Variants in FHIT observed in about 807,000 individuals in gnomAD.
FHIT encodes bis(5'-adenosyl)-triphosphatase.
FHIT carries 19 observed loss-of-function variants against 17.9 expected under a neutral mutation model. The ratio of observed to expected loss-of-function variants is 1.06; its 90% CI spans 0.74 to 1.56. FHIT has a LOEUF of 1.56. Ranked by LOEUF, FHIT falls within the 40% of genes most tolerant of loss-of-function variation. The pLI, the probability that FHIT is intolerant of heterozygous loss-of-function variation, is 0.00. For missense variants in FHIT, 248 were observed against 189.2 expected, an observed-to-expected ratio of 1.31 and a Z score of -1.82; for synonymous variants, 81 against 69.7, an observed-to-expected ratio of 1.16 and a Z score of -0.81.
chr3:60,635,778 G>C (rs545617645), intron 4 of FHIT, among the ~76,000 whole-genome samples: 2 of 152,122 alleles, frequency 1.3e-5, no homozygotes, highest in Admixed American at 6.6e-5. Flanking sequence ...AAGCAGCCTC[G>C]GGATAAATGT....
chr3:61,167,169 T>C (rs551096213), intron 2 of FHIT: 1 of 152,252 alleles, frequency 6.6e-6, no homozygotes, highest in African/African-American at 2.4e-5. Flanking sequence ...ACATGAGAAT[T>C]CGATACAGGA....
chr3:60,185,901 T>C (rs563468381), intron 5 of FHIT, among the ~76,000 whole-genome samples: 1 of 152,242 alleles, frequency 6.6e-6, no homozygotes, highest in East Asian at 1.9e-4. Context: ...TCTACCAACA[T>C]GTGACGTTGA....
chr3:60,659,182 C>G (rs186377714), intron 4 of FHIT, among the ~76,000 whole-genome samples: 14 of 152,020 alleles, frequency 9.2e-5, no homozygotes, highest in Admixed American at 8.5e-4. Flanking sequence ...AGTTGCTTCT[C>G]TCATGTTGTT....
intron 7 of FHIT, among the ~76,000 whole-genome samples, chr3:60,009,230 TA>T: frequency 7.6e-6 from 1 of 132,388 alleles, no homozygotes; most frequent in South Asian, 2.4e-4. Flanking sequence ...TGTGTGTGTG[TA>T]TGGTGGTTTT....
intron 2 of FHIT, among the ~76,000 whole-genome samples, chr3:61,129,722 T>C (rs1243489395): frequency 6.6e-6 from 1 of 152,198 alleles, no homozygotes; most frequent in Non-Finnish European, 1.5e-5. Context: ...CCTATGTCCA[T>C]CCAATTTCAT....
chr3:60,562,795 A>C (rs2036997745), intron 4 of FHIT, among the ~76,000 whole-genome samples: 1 of 152,126 alleles, frequency 6.6e-6, no homozygotes, highest in African/African-American at 2.4e-5. Context: ...GTAAGACCTA[A>C]AGTCATGTCC....
At chr3:60,925,353 GC>G (rs1707533469) in intron 3 of FHIT, among the ~76,000 whole-genome samples, 1 of 152,200 alleles carries the variant, frequency 6.6e-6, no homozygotes, top group Non-Finnish European at 1.5e-5. Context: ...CAGACTAACA[GC>G]AGATCTCTCA....
chr3:59,860,350 A>G (rs541262442), intron 8 of FHIT, among the ~76,000 whole-genome samples: 1 of 152,330 alleles, frequency 6.6e-6, no homozygotes, highest in South Asian at 2.1e-4. Context: ...GAGAAGGGTG[A>G]CCAGGTATGC....
chr3:60,103,135 G>A (rs1276727944), intron 5 of FHIT, among the ~76,000 whole-genome samples: 1 of 152,070 alleles, frequency 6.6e-6, no homozygotes, highest in Non-Finnish European at 1.5e-5. Flanking sequence ...CTCCTCTCTG[G>A]GCAGCTCTCT....
intron 2 of FHIT, among the ~76,000 whole-genome samples, chr3:61,050,703 A>G (rs1344218966): frequency 1.3e-5 from 2 of 152,240 alleles, no homozygotes; most frequent in East Asian, 1.9e-4. Flanking sequence ...ATTGATAATT[A>G]TTAAAGCTGG....
intron 5 of FHIT, among the ~76,000 whole-genome samples, chr3:60,208,270 T>G (rs1466388677): frequency 6.6e-6 from 1 of 152,208 alleles, no homozygotes; most frequent in African/African-American, 2.4e-5. Flanking sequence ...AATCACATTT[T>G]TATTGAAGAA....
At chr3:61,156,645 T>C (rs897925259) in intron 2 of FHIT, among the ~76,000 whole-genome samples, 1 of 152,218 alleles carries the variant, frequency 6.6e-6, no homozygotes, top group African/African-American at 2.4e-5. Context: ...AAAGTTTATA[T>C]AATTTCCCTT....
intron 8 of FHIT, among the ~76,000 whole-genome samples, chr3:59,869,583 G>A (rs1024702012): frequency 2.1e-5 from 3 of 145,026 alleles, no homozygotes; most frequent in East Asian, 4.3e-4. Context: ...CCGGGTTCAC[G>A]CCATTCTCCT....
At chr3:59,998,449 G>A (rs1699602618) in intron 7 of FHIT, among the ~76,000 whole-genome samples, 1 of 152,126 alleles carries the variant, frequency 6.6e-6, no homozygotes, top group Non-Finnish European at 1.5e-5. Context: ...AGAGACACTA[G>A]TACTATACCA....
intron 8 of FHIT, among the ~76,000 whole-genome samples, chr3:59,785,580 A>G (rs1282409465): frequency 2.0e-5 from 3 of 152,046 alleles, no homozygotes; most frequent in Admixed American, 2.0e-4. Flanking sequence ...TGGCCTCCCA[A>G]AGTGCTGGGA....
chr3:60,503,157 T>C (rs2034589277), intron 5 of FHIT, among the ~76,000 whole-genome samples: 1 of 152,194 alleles, frequency 6.6e-6, no homozygotes, highest in African/African-American at 2.4e-5. Flanking sequence ...CCTCAATTTC[T>C]TCATCAGTAA....
intron 1 of FHIT, among the ~76,000 whole-genome samples, chr3:61,233,533 C>T (rs2040157541): frequency 6.6e-6 from 1 of 152,112 alleles, no homozygotes; most frequent in Admixed American, 6.6e-5. Flanking sequence ...ATTTAAAAGG[C>T]CAGTTACAAA....
chr3:60,342,597 T>C (rs1576505353), intron 5 of FHIT, among the ~76,000 whole-genome samples: 1 of 152,224 alleles, frequency 6.6e-6, no homozygotes, highest in East Asian at 1.9e-4. Flanking sequence ...TCTGTAAAAC[T>C]ATGAGTTGGC....
intron 2 of FHIT, among the ~76,000 whole-genome samples, chr3:61,187,363 T>C (rs916069791): frequency 1.3e-5 from 2 of 152,084 alleles, no homozygotes; most frequent in African/African-American, 4.8e-5. Flanking sequence ...AAGGGATGAA[T>C]TCAACAAGAA....
Sources: gnomAD v4.1 joint callset for allele counts (sites outside exome capture counted in the v4.1 genomes callset) on GRCh38, gnomAD v4.1.1 for gene constraint, MANE v1.5 for transcripts, NCBI Gene and HGNC (gene_info 2026-07-23, HGNC 2026-07-21) for gene names.